The following USH2A variants were observed in gnomAD, a reference collection of about 807,000 sequenced individuals.
The protein encoded by USH2A is Usher syndrome 2A (autosomal recessive, mild).
In USH2A, 443 loss-of-function variants were observed where a neutral mutation model predicts 538.9. The ratio of observed to expected loss-of-function variants is 0.82; its 90% CI spans 0.76 to 0.89. The LOEUF is 0.89. USH2A is among the 40% of genes least tolerant of loss of function. The pLI, the probability that USH2A is intolerant of heterozygous loss-of-function variation, is 0.00. For missense variants in USH2A, 6,633 were observed against 6,324.8 expected (o/e 1.05, Z -1.65); for synonymous variants, 2,413 against 2,273.5 (o/e 1.06, Z -1.75).
chr1:215,661,485 T>C lies in USH2A; in HGVS notation c.14133+9487A>G, dbSNP rs1047911680. 4.6e-5 allele frequency among the ~76,000 whole-genome samples: 7 copies of C among 152,314 alleles called. No individual in the cohort carries two copies. The East Asian group carries it at 5.8e-4, about 13-fold the overall frequency. ...TCCCTGGGTACTTCAACATCCCTTA[T>C]TGATTCTCTTAATTCTACCCACACC... On this transcript the variant is annotated intron_variant, in intron 64 of 71. Transcript: ENST00000307340.
chr1:216,077,979 G>C, intron 27 of USH2A, 110 bp downstream of exon 27: 6 of 1,320,608 alleles, frequency 4.5e-6, no homozygotes, highest in Non-Finnish European at 6.5e-6. Context: ...AGATGCTGTT[G>C]GGTGCTGCTT....
In USH2A at chr1:215,878,934, G is replaced by A; in HGVS notation, c.8388C>T (p.Cys2796=). 6.2e-7 allele frequency: 1 copy of A among 1,614,056 alleles called. No individual in the cohort carries two copies. Among genetic ancestry groups the A allele is most frequent in the Non-Finnish European group, 8.5e-7 (1 of 1,179,984 alleles). Reference sequence around the variant, plus strand: ...CTCCAAGGTACCCATTACCCCCTGAGCAAGCAACAATGGTGACAGAATAAT... The same window carrying A: ...CTCCAAGGTACCCATTACCCCCTGAACAAGCAACAATGGTGACAGAATAAT... ...FTNYSVTIVA[C]SGGNGYLGGC... The change falls in exon 42 of 72, where the codon TGC becomes TGT. Residue 2796 remains cysteine, a synonymous_variant. Transcript: ENST00000307340.
At chr1:215,667,134 C>T (rs1278120788) in intron 64 of USH2A, among the ~76,000 whole-genome samples, 1 of 152,014 alleles carries the variant, frequency 6.6e-6, no homozygotes, top group Non-Finnish European at 1.5e-5. Flanking sequence ...CTTCCCATTC[C>T]ACCCAGGAGT....
At chr1:215,761,018 T>C (rs1373178227) in intron 56 of USH2A, among the ~76,000 whole-genome samples, 1 of 152,204 alleles carries the variant, frequency 6.6e-6, no homozygotes, top group African/African-American at 2.4e-5. Context: ...TGGTCCCACA[T>C]TTTATTGGCT....
chr1:215,999,896 A>G (rs1174083463), intron 33 of USH2A, among the ~76,000 whole-genome samples: 1 of 152,132 alleles, frequency 6.6e-6, no homozygotes, highest in East Asian at 1.9e-4. Flanking sequence ...TTAACTCTTG[A>G]TAAGAGAGAC....
chr1:215,703,166 C>T (rs1276803109), intron 61 of USH2A, among the ~76,000 whole-genome samples: 1 of 152,192 alleles, frequency 6.6e-6, no homozygotes, highest in Admixed American at 6.5e-5. Flanking sequence ...AAGACTGCTG[C>T]CTGCTCCTTC....
chr1:215,878,984 C>T lies in USH2A; in HGVS notation c.8338G>A (p.Val2780Ile). The stretch of plus-strand genomic sequence containing the variant: ...TTAGTGAAAGGAATCAGATGAGTAA[C>T]TTTTTGACTTAACACTGCGGAAGTC... Reference protein sequence around the residue: ...NVTSAVLSQKVTHLIPFTNYS... With the variant: ...NVTSAVLSQKITHLIPFTNYS... The change falls in exon 42 of 72, where the codon GTT becomes ATT. Residue 2780 changes from valine to isoleucine, a missense_variant. Physicochemically the swap from Val to Ile is conservative, Grantham distance 29 (BLOSUM62 3). Transcript: ENST00000307340. 1 of 1,614,074 alleles carries T rather than the reference C, an allele frequency of 6.2e-7. No individual in the cohort carries two copies. The highest frequency in any genetic ancestry group is 8.5e-7 in the Non-Finnish European group (1 of 1,179,976).
chr1:215,852,624 T>A (rs918253970), intron 44 of USH2A, among the ~76,000 whole-genome samples: 1 of 152,118 alleles, frequency 6.6e-6, no homozygotes, highest in Non-Finnish European at 1.5e-5. Context: ...CCTATGAGCT[T>A]GTAAAATCAA....
intron 20 of USH2A, among the ~76,000 whole-genome samples, chr1:216,186,313 C>T (rs141927814): frequency 7.5e-4 from 114 of 151,804 alleles, no homozygotes; most frequent in African/African-American, 2.7e-3. Context: ...TTCAACCATG[C>T]TAATTAGGGT....
chr1:216,396,331 C>CT (rs2039210987), intron 3 of USH2A, among the ~76,000 whole-genome samples: 1 of 152,108 alleles, frequency 6.6e-6, no homozygotes. Flanking sequence ...TCTGATTCTG[C>CT]TTGAAATTAT....
At chr1:216,350,648 G>C (rs1038835512) in intron 4 of USH2A, among the ~76,000 whole-genome samples, 4 of 152,094 alleles carry the variant, frequency 2.6e-5, no homozygotes, top group Non-Finnish European at 4.4e-5. Flanking sequence ...TTGGTGGGAG[G>C]AGTGAGCTCC....
At chr1:215,770,710 CACTA>C (rs1173652226) in intron 55 of USH2A, among the ~76,000 whole-genome samples, 2 of 152,090 alleles carry the variant, frequency 1.3e-5, no homozygotes, top group Non-Finnish European at 2.9e-5. Flanking sequence ...TTAACGCCCA[CACTA>C]ACTTTCTGCT....
intron 21 of USH2A, among the ~76,000 whole-genome samples, chr1:216,112,527 C>T (rs951846430): frequency 9.2e-5 from 14 of 151,938 alleles, no homozygotes; most frequent in African/African-American, 2.9e-4. Flanking sequence ...ATTTGTGTCA[C>T]GGGGGTTCAA....
chr1:215,687,143 A>G (rs1371056838), intron 61 of USH2A, among the ~76,000 whole-genome samples: 1 of 152,110 alleles, frequency 6.6e-6, no homozygotes, highest in Non-Finnish European at 1.5e-5. Flanking sequence ...CAATGAGGCC[A>G]ACTCAAATGT....
chr1:216,180,086 A>G (rs2034464025), intron 20 of USH2A, among the ~76,000 whole-genome samples: 1 of 152,114 alleles, frequency 6.6e-6, no homozygotes, highest in African/African-American at 2.4e-5. Context: ...GTTTTAGAAA[A>G]CAAGTTTCTA....
chr1:216,327,746 A>G, intron 4 of USH2A, 92 bp from the exon 5 acceptor site: 3 of 1,480,594 alleles, frequency 2.0e-6, no homozygotes, highest in East Asian at 2.3e-5. Context: ...TGAAGATGTT[A>G]AGGTTAAAAA....
Position 216,070,227 on chromosome 1 carries a change from AG to A in USH2A, c.5922del (p.Trp1975GlyfsTer9). 1 of 1,614,018 alleles carries A rather than the reference AG, an allele frequency of 6.2e-7. No homozygotes were observed. The highest frequency in any genetic ancestry group is 8.5e-7 in the Non-Finnish European group (1 of 1,179,926). On this transcript the variant is annotated frameshift_variant, in exon 30 of 72. Coordinates refer to ENST00000307340, the MANE Select transcript of USH2A (RefSeq NM_206933.4). LOFTEE classifies it high-confidence loss of function. Reference sequence around the variant, plus strand: ...ACACCTCTGACAACAGGTTCATCCCAGGTCACCTCAATGCTGTATCCATTTA... The same window carrying A: ...ACACCTCTGACAACAGGTTCATCCCAGTCACCTCAATGCTGTATCCATTTA... ...RSLNGYSIEV[T>X]WDEPVVRGVI...
At chr1:215,832,384 T>G (rs1422851323) in intron 47 of USH2A, among the ~76,000 whole-genome samples, 1 of 151,882 alleles carries the variant, frequency 6.6e-6, no homozygotes, top group African/African-American at 2.4e-5. Context: ...ACATTTTCTA[T>G]AAGATAATAG....
At chr1:215,798,153 T>C (rs1005521170) in intron 50 of USH2A, among the ~76,000 whole-genome samples, 1 of 152,164 alleles carries the variant, frequency 6.6e-6, no homozygotes, top group Non-Finnish European at 1.5e-5. Context: ...GTAACTGAAT[T>C]GCTGCAATCA....
Sources: gnomAD v4.1 joint callset for allele counts (sites outside exome capture counted in the v4.1 genomes callset) on GRCh38, gnomAD v4.1.1 for gene constraint, MANE v1.5 for transcripts, NCBI Gene and HGNC (gene_info 2026-07-23, HGNC 2026-07-21) for gene names.